PCDHGA2: variants seen among roughly 807,000 people sequenced by gnomAD.
The protein encoded by PCDHGA2 is protocadherin gamma-A2.
PCDHGA2 carries 40 observed loss-of-function variants against 59.2 expected under a neutral mutation model. The observed-to-expected ratio is 0.68, with a 90% CI of 0.52 to 0.88. The LOEUF is 0.88. Ranked by LOEUF, PCDHGA2 falls within the 40% of genes least tolerant of loss-of-function variation. PCDHGA2 has a pLI of 0.00. For missense variants in PCDHGA2, 1,226 were observed against 1,204.0 expected, an observed-to-expected ratio of 1.02 and a Z score of -0.27; for synonymous variants, 560 against 526.0, an observed-to-expected ratio of 1.06 and a Z score of -0.89.
Position 141,340,423 on chromosome 5 carries a change from T to C in PCDHGA2, c.1452T>C (p.Asn484=). The C allele has an allele frequency of 1.2e-6, 2 of 1,614,196 alleles. No homozygotes were observed. Among genetic ancestry groups the C allele is most frequent in the Non-Finnish European group, 1.7e-6 (2 of 1,180,038 alleles). The change falls in exon 1 of 4, where the codon AAT becomes AAC. Residue 484 remains asparagine, a synonymous_variant. Transcript: ENST00000394576. Reference sequence around the variant, plus strand: ...CCCATGACCCCGACAGCAACGACAATGCTCATGTAACTTACTCTTTCGCGG... The same window carrying C: ...CCCATGACCCCGACAGCAACGACAACGCTCATGTAACTTACTCTTTCGCGG... The part of the protein sequence containing the change: ...VTAHDPDSND[N]AHVTYSFAED...
chr5:141,388,577 A>G, intron 1 of PCDHGA2: 1 of 1,613,868 alleles, frequency 6.2e-7, no homozygotes, highest in East Asian at 2.2e-5. Context: ...TACACGTTCT[A>G]GTGACTGATG....
At chr5:141,384,714 A>T (rs750526941) in intron 1 of PCDHGA2, 7 of 1,614,076 alleles carry the variant, frequency 4.3e-6, no homozygotes, top group Non-Finnish European at 5.9e-6. Context: ...CCTGGCTGTC[A>T]TACCTCCTGC....
intron 1 of PCDHGA2, among the ~76,000 whole-genome samples, chr5:141,359,508 A>G (rs1481865677): frequency 1.3e-5 from 2 of 151,268 alleles, no homozygotes; most frequent in Admixed American, 6.6e-5. Context: ...CTAGATAACT[A>G]TATTATGGGC....
intron 1 of PCDHGA2, among the ~76,000 whole-genome samples, chr5:141,438,339 AGGATC>A (rs1013025873): frequency 1.6e-4 from 25 of 151,944 alleles, no homozygotes; most frequent in Non-Finnish European, 1.9e-4. Flanking sequence ...ATGTCATATA[AGGATC>A]TACTCTGTGT....
intron 3 of PCDHGA2, among the ~76,000 whole-genome samples, chr5:141,506,320 G>A (rs1054880362): frequency 8.6e-5 from 13 of 151,966 alleles, no homozygotes; most frequent in South Asian, 8.3e-4. Flanking sequence ...ATGGTGGTGC[G>A]TGCCTGTAGT....
At position 141,431,696 on chromosome 5, in the gene PCDHGA2, G is replaced by T; in HGVS notation, c.2425-63111G>T. ...AGGGGAGTTGGACCACGAGGAGTCA[G>T]GATTCTACCAGATGGAAGTGCAAGC... On this transcript the variant is annotated intron_variant, in intron 1 of 3. Transcript: ENST00000394576. The surrounding 1 kb of genome is among the most constrained non-coding windows in gnomAD (Gnocchi z 4.8). 6.2e-7 allele frequency: 1 copy of T among 1,614,238 alleles called. No individual in the cohort carries two copies. Among genetic ancestry groups the T allele is most frequent in the Non-Finnish European group, 8.5e-7 (1 of 1,180,038 alleles).
At chr5:141,352,737 C>G (rs1759099142) in intron 1 of PCDHGA2, 1 of 1,490,416 alleles carries the variant, frequency 6.7e-7, no homozygotes. Flanking sequence ...AGCCTGTAAT[C>G]CCAGCACTTA....
At chr5:141,418,895 GAA>G (rs746676640) in intron 1 of PCDHGA2, 1 of 1,613,998 alleles carries the variant, frequency 6.2e-7, no homozygotes, top group Admixed American at 1.7e-5. Flanking sequence ...CAACAGCCCA[GAA>G]ATAATCATCA....
Position 141,485,859 on chromosome 5 carries a change from G to A in PCDHGA2, c.2425-8948G>A, listed in dbSNP as rs1272239385. ...CCGAGATCTGGCACCGCAGAGCTCC[G>A]GGTATCCGTGCTGGACGTAAACGAC... On this transcript the variant is annotated intron_variant, in intron 1 of 3. Transcript: ENST00000394576. This position sits in a 1 kb window ranked among gnomAD's most constrained non-coding sequence, Gnocchi z 5.7. 3.7e-6 allele frequency: 6 copies of A among 1,614,046 alleles called. No homozygotes were observed. Among genetic ancestry groups the A allele is most frequent in the Admixed American group, 3.3e-5 (2 of 60,000 alleles).
At chr5:141,410,011 G>A in intron 1 of PCDHGA2, 1 of 1,613,302 alleles carries the variant, frequency 6.2e-7, no homozygotes, top group Non-Finnish European at 8.5e-7. Context: ...ACAACGCCTG[G>A]CTGTCCTACC....
chr5:141,398,831 C>G (rs1488126013), intron 1 of PCDHGA2: 13 of 1,614,014 alleles, frequency 8.1e-6, no homozygotes, highest in Non-Finnish European at 1.1e-5. Context: ...GTAACCGACG[C>G]CAATGATAAT....
chr5:141,472,324 G>A (rs1027842697), intron 1 of PCDHGA2, among the ~76,000 whole-genome samples: 2 of 150,650 alleles, frequency 1.3e-5, no homozygotes, highest in African/African-American at 2.4e-5. Flanking sequence ...GGCAGATCAC[G>A]AGGTTGGGAG....
At chr5:141,410,038 T>C (rs1364065272) in intron 1 of PCDHGA2, 2 of 1,613,086 alleles carry the variant, frequency 1.2e-6, no homozygotes, top group African/African-American at 1.3e-5. Flanking sequence ...TGCAGGCCAG[T>C]GAGCCCGGAC....
chr5:141,365,539 C>T, intron 1 of PCDHGA2: 1 of 1,613,718 alleles, frequency 6.2e-7, no homozygotes, highest in Non-Finnish European at 8.5e-7. Flanking sequence ...ATTACTATCA[C>T]CTATTAACAA....
Position 141,366,742 on chromosome 5 carries a change from G to A in PCDHGA2, c.2424+25347G>A, listed in dbSNP as rs762560261. ...AGGTAGATGCAAACAAAGAAGAACGGCGAGTTCAGGTTAGTTTTCTCTTTC... is the reference window on the plus strand; with the variant it reads ...AGGTAGATGCAAACAAAGAAGAACGACGAGTTCAGGTTAGTTTTCTCTTTC... On this transcript the variant is annotated intron_variant, in intron 1 of 3. Transcript: ENST00000394576. 3 of 1,611,864 alleles carry A rather than the reference G, an allele frequency of 1.9e-6. No homozygotes were observed. The East Asian group carries it at 6.7e-5, about 36-fold the overall frequency.
At chr5:141,428,002 T>G in intron 1 of PCDHGA2, 1 of 1,601,328 alleles carries the variant, frequency 6.2e-7, no homozygotes, top group Non-Finnish European at 8.5e-7. Context: ...TCCGCACTCT[T>G]CGATATAGTG....
In PCDHGA2 at chr5:141,413,348, T is replaced by C. The variant is rs1217580039; in HGVS notation, c.2424+71953T>C. On this transcript the variant is annotated intron_variant, in intron 1 of 3. Transcript: ENST00000394576. The stretch of plus-strand genomic sequence containing the variant: ...GGCAACATCTCCAAGGACTTGGGTC[T>C]GGCGCCCCGGGAGCTGGCGGAGCGC... The C allele has an allele frequency of 1.9e-6, 3 of 1,613,872 alleles. No homozygotes were observed. In the Admixed American group the frequency reaches 5.0e-5, roughly 27 times the overall value.
intron 1 of PCDHGA2, chr5:141,371,237 C>A (rs957754662): frequency 5.0e-6 from 8 of 1,614,002 alleles, no homozygotes; most frequent in Non-Finnish European, 5.1e-6. Context: ...TCTATGCCTT[C>A]ATCAATATTG....
chr5:141,378,684 A>AT (rs1775094609), intron 1 of PCDHGA2: 1 of 152,256 alleles, frequency 6.6e-6, no homozygotes, highest in East Asian at 1.9e-4. Flanking sequence ...ATATTTTAGC[A>AT]TTTTAACCCA....
Sources: gnomAD v4.1 joint callset for allele counts (sites outside exome capture counted in the v4.1 genomes callset) on GRCh38, gnomAD v4.1.1 for gene constraint, Gnocchi (gnomAD v3.1) non-coding constraint, MANE v1.5 for transcripts, NCBI Gene and HGNC (gene_info 2026-07-23, HGNC 2026-07-21) for gene names.